CNTN5: variants seen among roughly 807,000 people sequenced by gnomAD.
CNTN5 encodes the protein contactin-5.
A neutral mutation model predicts 129.1 loss-of-function variants in CNTN5; 77 were observed. That is an observed-to-expected ratio of 0.60 (90% CI 0.50 to 0.72). CNTN5 has a LOEUF of 0.72. CNTN5 is among the 30% of genes least tolerant of loss of function. The pLI is 0.00. For synonymous variants in CNTN5, 509 were observed against 465.6 expected (o/e 1.09, Z -1.20); for missense variants, 1,478 against 1,328.8 (o/e 1.11, Z -1.75).
At chr11:99,972,792 T>C (rs1175944512) in intron 8 of CNTN5, among the ~76,000 whole-genome samples, 1 of 152,070 alleles carries the variant, frequency 6.6e-6, no homozygotes, top group Non-Finnish European at 1.5e-5. Flanking sequence ...TGGAAGAGGA[T>C]TGGAAGAACG....
intron 10 of CNTN5, among the ~76,000 whole-genome samples, chr11:100,067,081 C>T (rs534632155): frequency 9.2e-5 from 14 of 151,802 alleles, no homozygotes; most frequent in Admixed American, 5.9e-4. Context: ...TATAAAATAT[C>T]TTGCAATGTA....
intron 2 of CNTN5, among the ~76,000 whole-genome samples, chr11:99,364,986 G>T (rs1366839263): frequency 4.6e-5 from 7 of 152,116 alleles, no homozygotes; most frequent in Admixed American, 1.3e-4. Context: ...TACAGAGACA[G>T]TACTATAGAG....
rs1865169016 is a variant in CNTN5 at position 99,067,900 on chromosome 11, A to G, written c.-210+46630A>G. On this transcript the variant is annotated intron_variant, in intron 1 of 24. Coordinates refer to ENST00000524871, the MANE Select transcript of CNTN5 (RefSeq NM_014361.4). ...AGAATCCCCATGCAGCAAGAGAGAG[A>G]CCAGGTGGAGGTAATTGAATCATAG... 2.6e-5 allele frequency among the ~76,000 whole-genome samples: 4 copies of G among 152,244 alleles called. No individual in the cohort carries two copies. The South Asian group carries it at 8.3e-4, about 32-fold the overall frequency.
At chr11:100,190,722 T>C (rs1262464097) in intron 13 of CNTN5, among the ~76,000 whole-genome samples, 3 of 95,310 alleles carry the variant, frequency 3.1e-5, no homozygotes, top group African/African-American at 6.3e-5. Context: ...CTCTATGTTT[T>C]TATGCTGTTT....
At chr11:99,212,843 A>C (rs1294490088) in intron 1 of CNTN5, among the ~76,000 whole-genome samples, 1 of 152,132 alleles carries the variant, frequency 6.6e-6, no homozygotes, top group Non-Finnish European at 1.5e-5. Flanking sequence ...AAACCTTATA[A>C]ATGAAGCCCC....
chr11:99,875,363 C>T lies in CNTN5; in HGVS notation c.577+30101C>T, dbSNP rs144372828. On this transcript the variant is annotated intron_variant, in intron 6 of 24. Coordinates refer to ENST00000524871, the MANE Select transcript of CNTN5 (RefSeq NM_014361.4). ...ATTTGTTTGAATCTGTTTATCATAA[C>T]TGGGAAGTTGATTATTAAAACACTC... Among the ~76,000 whole-genome samples the T allele has an allele frequency of 1.6e-4, 25 of 152,142 alleles. 1 individual carries two copies. Among genetic ancestry groups the T allele is most frequent in the African/African-American group, 5.1e-4 (21 of 41,500 alleles).
intron 1 of CNTN5, among the ~76,000 whole-genome samples, chr11:99,173,017 G>A (rs1231063150): frequency 2.6e-5 from 4 of 152,154 alleles, no homozygotes; most frequent in African/African-American, 4.8e-5. Flanking sequence ...TATGTGGATG[G>A]CAGCAGGCAA....
At chr11:99,690,434 A>G (rs1301346947) in intron 3 of CNTN5, among the ~76,000 whole-genome samples, 1 of 152,056 alleles carries the variant, frequency 6.6e-6, no homozygotes, top group East Asian at 1.9e-4. Flanking sequence ...TGCCATGGCT[A>G]TCTGGCTATT....
At position 100,061,216 on chromosome 11, in the gene CNTN5, G is replaced by T. The variant is rs182344400; in HGVS notation, c.985G>T (p.Val329Phe). 3.7e-6 allele frequency: 6 copies of T among 1,606,476 alleles called. No individual in the cohort carries two copies. The highest frequency in any genetic ancestry group is 4.5e-5 in the East Asian group (2 of 44,652). The change falls in exon 10 of 25, where the codon GTT (valine) becomes TTT (phenylalanine). Residue 329 changes from valine (V) to phenylalanine (F), a missense_variant. Physicochemically the swap from Val to Phe is conservative, Grantham distance 50 (BLOSUM62 -1). Transcript: ENST00000524871. ...KMECFALGNP[V>F]PTITWMKVNG... ...TATTTTTGTTCCCTATCGTAGCCCC[G>T]TTCCAACAATCACATGGATGAAGGT...
At chr11:99,482,108 A>C (rs1000233831) in intron 2 of CNTN5, among the ~76,000 whole-genome samples, 2 of 152,198 alleles carry the variant, frequency 1.3e-5, no homozygotes, top group Non-Finnish European at 2.9e-5. Flanking sequence ...GGGAATAAAA[A>C]TTCAATAAAA....
intron 1 of CNTN5, among the ~76,000 whole-genome samples, chr11:99,319,565 G>T (rs1218818836): frequency 6.6e-6 from 1 of 152,068 alleles, no homozygotes; most frequent in East Asian, 1.9e-4. Flanking sequence ...ACCTTATGTT[G>T]TTCACTTTTT....
In CNTN5 at chr11:99,990,453, T is replaced by TAC. The variant is rs550501632; in HGVS notation, c.878-11580_878-11579insCA. ...TTCCCTTATTTTTAGAATATATATA[T>TAC]ATACACACACACACACACACACACA... On this transcript the variant is annotated intron_variant, in intron 8 of 24. Transcript: ENST00000524871. Among the ~76,000 whole-genome samples the TAC allele has an allele frequency of 6.8e-3, 981 of 143,930 alleles. 5 individuals carry two copies. The highest frequency in any genetic ancestry group is 0.015 in the South Asian group (68 of 4,472). 94.4% of individuals were successfully genotyped at this position (143,930 alleles called of 152,430 possible).
At chr11:99,032,539 G>T (rs1439472663) in intron 1 of CNTN5, among the ~76,000 whole-genome samples, 1 of 151,884 alleles carries the variant, frequency 6.6e-6, no homozygotes, top group Non-Finnish European at 1.5e-5. Context: ...ATTTTTTCAT[G>T]TGTTTTTTGG....
intron 2 of CNTN5, among the ~76,000 whole-genome samples, chr11:99,351,308 G>T (rs1938282377): frequency 6.6e-6 from 1 of 152,160 alleles, no homozygotes; most frequent in Admixed American, 6.5e-5. Flanking sequence ...CGTGAGGTGA[G>T]AATTATTGGC....
chr11:100,032,083 C>T (rs963008621), intron 9 of CNTN5, among the ~76,000 whole-genome samples: 2 of 152,164 alleles, frequency 1.3e-5, no homozygotes, highest in Non-Finnish European at 2.9e-5. Flanking sequence ...ATGCACCTAA[C>T]CATATACTCT....
At chr11:100,290,284 A>G (rs1454486985) in intron 18 of CNTN5, among the ~76,000 whole-genome samples, 2 of 152,202 alleles carry the variant, frequency 1.3e-5, no homozygotes, top group Non-Finnish European at 1.5e-5. Flanking sequence ...ACCAAAAAAG[A>G]GCCTGCATTG....
At chr11:100,030,610 C>A (rs1409531638) in intron 9 of CNTN5, among the ~76,000 whole-genome samples, 2 of 152,072 alleles carry the variant, frequency 1.3e-5, no homozygotes, top group African/African-American at 4.8e-5. Flanking sequence ...TTGGTGTATA[C>A]CCTGTAGAAC....
intron 13 of CNTN5, among the ~76,000 whole-genome samples, chr11:100,143,922 A>G (rs1008311375): frequency 3.9e-5 from 6 of 152,102 alleles, no homozygotes; most frequent in African/African-American, 1.4e-4. Flanking sequence ...AAAGGTTTTT[A>G]TTATCCAGAT....
chr11:99,360,627 C>T (rs1197126577), intron 2 of CNTN5, among the ~76,000 whole-genome samples: 1 of 152,106 alleles, frequency 6.6e-6, no homozygotes, highest in Admixed American at 6.6e-5. Context: ...TAGTTTTGTT[C>T]CCCAGGCCTT....
Sources: gnomAD v4.1 joint callset for allele counts (sites outside exome capture counted in the v4.1 genomes callset) on GRCh38, gnomAD v4.1.1 for gene constraint, MANE v1.5 for transcripts, NCBI Gene and HGNC (gene_info 2026-07-23, HGNC 2026-07-21) for gene names.